Variants in PPP1R16B observed in about 807,000 individuals in gnomAD.
PPP1R16B encodes the protein protein phosphatase 1 regulatory subunit 16B.
A neutral mutation model predicts 61.7 loss-of-function variants in PPP1R16B; 14 were observed. That is an observed-to-expected ratio of 0.23 (90% CI 0.15 to 0.35). The LOEUF is 0.35. Among genes scored for constraint, PPP1R16B ranks in the 10% least tolerant of loss-of-function variants. The pLI, the probability that PPP1R16B is intolerant of heterozygous loss-of-function variation, is 1.00. For synonymous variants in PPP1R16B, 266 were observed against 305.3 expected (o/e 0.87, Z 1.34); for missense variants, 547 against 752.5 (o/e 0.73, Z 3.19).
intron 2 of PPP1R16B, among the ~76,000 whole-genome samples, chr20:38,839,900 C>T (rs2084898851): frequency 6.6e-6 from 1 of 152,134 alleles, no homozygotes; most frequent in African/African-American, 2.4e-5. Context: ...AAATGTTTAT[C>T]GAGGACAGAT....
intron 1 of PPP1R16B, among the ~76,000 whole-genome samples, chr20:38,820,824 A>G (rs1013906928): frequency 6.6e-6 from 1 of 151,916 alleles, no homozygotes; most frequent in African/African-American, 2.4e-5. Flanking sequence ...TGAGGTCAGG[A>G]GATCGAGACC....
At chr20:38,904,692 G>A (rs2085425283) in intron 6 of PPP1R16B, among the ~76,000 whole-genome samples, 1 of 151,648 alleles carries the variant, frequency 6.6e-6, no homozygotes, top group South Asian at 2.1e-4. Context: ...CTTCTCCCAG[G>A]ATGAGGTGGC....
At chr20:38,852,002 C>CA (rs1568662199) in intron 2 of PPP1R16B, among the ~76,000 whole-genome samples, 1 of 152,200 alleles carries the variant, frequency 6.6e-6, no homozygotes, top group Non-Finnish European at 1.5e-5. Context: ...CACTGCACTC[C>CA]AGCCTGGGTG....
At chr20:38,910,386 C>T (rs765491763) in intron 10 of PPP1R16B, among the ~76,000 whole-genome samples, 1 of 152,186 alleles carries the variant, frequency 6.6e-6, no homozygotes, top group Non-Finnish European at 1.5e-5. Context: ...TCCGTCCTTT[C>T]CCCCACTCCA....
Position 38,902,753 on chromosome 20 carries a change from C to T in PPP1R16B, c.657C>T (p.Gly219=). 4 of 1,614,238 alleles carry T rather than the reference C, an allele frequency of 2.5e-6. No individual in the cohort carries two copies. The highest frequency in any genetic ancestry group is 3.4e-6 in the Non-Finnish European group (4 of 1,180,044). The part of the protein sequence containing the change: ...IADIHCMIAA[G]QDLDWIDAQG... Reference sequence around the variant, plus strand: ...ACATCCACTGCATGATCGCAGCGGGCCAGGACCTGGACTGGATAGATGCCC... The same window carrying T: ...ACATCCACTGCATGATCGCAGCGGGTCAGGACCTGGACTGGATAGATGCCC... The change falls in exon 6 of 11, where the codon GGC becomes GGT. Residue 219 remains glycine (G), a synonymous_variant. Coordinates refer to ENST00000299824, the MANE Select transcript of PPP1R16B (RefSeq NM_015568.4).
At chr20:38,836,432 A>C (rs1183140780) in intron 2 of PPP1R16B, among the ~76,000 whole-genome samples, 1 of 152,002 alleles carries the variant, frequency 6.6e-6, no homozygotes, top group African/African-American at 2.4e-5. Context: ...GCTCGCTGCA[A>C]CCTCTGCCAC....
rs1222222478 is a variant in PPP1R16B, at chr20:38,893,550, A to T, written c.322-2015A>T. The stretch of plus-strand genomic sequence containing the variant: ...GGAGATGTGCAATTCATACCTGGTG[A>T]TAGATTGAAGCTGGGAAGGGAGGAA... On this transcript the variant is annotated intron_variant, in intron 3 of 10. Transcript: ENST00000299824. Among the ~76,000 whole-genome samples, 3 of 149,000 alleles carry T rather than the reference A, an allele frequency of 2.0e-5. No individual in the cohort carries two copies. The East Asian group carries it at 6.0e-4, about 30-fold the overall frequency.
chr20:38,893,123 T>C (rs750786463), intron 3 of PPP1R16B, among the ~76,000 whole-genome samples: 2 of 152,232 alleles, frequency 1.3e-5, no homozygotes, highest in African/African-American at 2.4e-5. Flanking sequence ...TAGGCTTGTT[T>C]TGAAGATTAA....
In PPP1R16B at chr20:38,918,264, C is replaced by T. The variant is rs1265794449; in HGVS notation, c.1302C>T (p.Ala434=). The change falls in exon 11 of 11, where the codon GCC becomes GCT. Residue 434 remains alanine, a synonymous_variant. Transcript: ENST00000299824. The surrounding 1 kb of genome is among the most constrained non-coding windows in gnomAD (Gnocchi z 5.3). ...ATGGCCTCCGGGCTCCGGTCAGTGC[C>T]TACCAGTATGCGCTGGCCAACGGGG... The part of the protein sequence containing the change: ...VENGLRAPVS[A]YQYALANGDV... The T allele has an allele frequency of 6.2e-7, 1 of 1,614,254 alleles. No homozygotes were observed. The highest frequency in any genetic ancestry group is 1.1e-5 in the South Asian group (1 of 91,086).
At chr20:38,869,253 G>T (rs2085110602) in intron 2 of PPP1R16B, among the ~76,000 whole-genome samples, 1 of 152,026 alleles carries the variant, frequency 6.6e-6, no homozygotes, top group South Asian at 2.1e-4. Flanking sequence ...CCACCTCCTG[G>T]GTTCAAGTGA....
chr20:38,878,147 T>G (rs1041627455), intron 2 of PPP1R16B, among the ~76,000 whole-genome samples: 8 of 152,344 alleles, frequency 5.3e-5, no homozygotes, highest in Middle Eastern at 3.4e-3. Context: ...TGCATTTATC[T>G]TTTCCATCGA....
chr20:38,814,584 TTATCATTAGAGTTAGTCCCTAGGAG>T (rs1274861449), intron 1 of PPP1R16B, among the ~76,000 whole-genome samples: 1 of 152,176 alleles, frequency 6.6e-6, no homozygotes, highest in Non-Finnish European at 1.5e-5. Context: ...TATGGCATTA[TTATCATTAGAGTTAGTCCCTAGGAG>T]TATTCAGGAG....
At chr20:38,831,856 C>A (rs1297864370) in intron 1 of PPP1R16B, among the ~76,000 whole-genome samples, 1 of 152,232 alleles carries the variant, frequency 6.6e-6, no homozygotes, top group Non-Finnish European at 1.5e-5. Context: ...TCAGGCCTGG[C>A]CCACAGCCAC....
At chr20:38,880,689 T>C (rs1048959466) in intron 2 of PPP1R16B, among the ~76,000 whole-genome samples, 1 of 152,182 alleles carries the variant, frequency 6.6e-6, no homozygotes, top group East Asian at 1.9e-4. Context: ...TACTATTCCA[T>C]TGTATGGAAT....
intron 2 of PPP1R16B, among the ~76,000 whole-genome samples, chr20:38,859,720 G>T (rs2085034262): frequency 6.6e-6 from 1 of 152,110 alleles, no homozygotes; most frequent in South Asian, 2.1e-4. Context: ...TGAACTCCTG[G>T]CCTCAAGCAG....
At chr20:38,911,916 T>C (rs1156235243) in intron 10 of PPP1R16B, among the ~76,000 whole-genome samples, 1 of 152,160 alleles carries the variant, frequency 6.6e-6, no homozygotes, top group Non-Finnish European at 1.5e-5. Flanking sequence ...TTTTTGTACA[T>C]GTCTTTTGGT....
At position 38,918,587 on chromosome 20, in the gene PPP1R16B, G is replaced by A; in HGVS notation, c.1625G>A (p.Gly542Glu). Residue 542 changes from glycine to glutamate, a missense_variant, in exon 11 of 11, where the codon GGA (glycine) becomes GAA (glutamate). By Grantham distance (98) the Gly-to-Glu change is moderately conservative. Transcript: ENST00000299824. The surrounding 1 kb of genome is among the most constrained non-coding windows in gnomAD (Gnocchi z 5.3). ...TCGGTATATTACACGGTCACCAGCGGAGATCCCCCACTCTTAAAGTTCAAG... is the reference window on the plus strand; with the variant it reads ...TCGGTATATTACACGGTCACCAGCGAAGATCCCCCACTCTTAAAGTTCAAG... ...GTSVYYTVTS[G>E]DPPLLKFKAP... 1 of 1,534,176 alleles carries A rather than the reference G, an allele frequency of 6.5e-7. No individual in the cohort carries two copies. The highest frequency in any genetic ancestry group is 8.8e-7 in the Non-Finnish European group (1 of 1,141,366).
At chr20:38,905,924 G>C (rs1452957338) in intron 6 of PPP1R16B, 45 bp from the exon 7 acceptor site, 1 of 1,590,008 alleles carries the variant, frequency 6.3e-7, no homozygotes, top group Admixed American at 1.7e-5. Flanking sequence ...CCGTCAATGT[G>C]GGGCTGATCC....
chr20:38,884,193 G>C (rs929593894), intron 2 of PPP1R16B, among the ~76,000 whole-genome samples: 1 of 152,262 alleles, frequency 6.6e-6, no homozygotes, highest in Non-Finnish European at 1.5e-5. Flanking sequence ...AGCCGGGAGA[G>C]GTAGGGAGAC....
Sources: gnomAD v4.1 joint callset for allele counts (sites outside exome capture counted in the v4.1 genomes callset) on GRCh38, gnomAD v4.1.1 for gene constraint, Gnocchi (gnomAD v3.1) non-coding constraint, MANE v1.5 for transcripts, NCBI Gene and HGNC (gene_info 2026-07-23, HGNC 2026-07-21) for gene names.